Variants in PLEKHB2 observed in about 807,000 individuals in gnomAD.
PLEKHB2 encodes the protein pleckstrin homology domain containing B2.
A neutral mutation model predicts 36.5 loss-of-function variants in PLEKHB2; 31 were observed. The ratio of observed to expected loss-of-function variants is 0.85; its 90% CI spans 0.64 to 1.15. The LOEUF (loss-of-function observed/expected upper bound fraction) is 1.15, where lower values mean the gene tolerates loss of function less well. Among genes scored for constraint, PLEKHB2 ranks in the 50% most tolerant of loss-of-function variants. The pLI is 0.00. For synonymous variants in PLEKHB2, 119 were observed against 112.0 expected, an observed-to-expected ratio of 1.06 and a Z score of -0.39; for missense variants, 262 against 295.3, an observed-to-expected ratio of 0.89 and a Z score of 0.83.
chr2:131,125,988 C>A (rs745590483), intron 3 of PLEKHB2, 83 bp downstream of exon 3: 6 of 1,368,744 alleles, frequency 4.4e-6, no homozygotes, highest in Non-Finnish European at 5.1e-6. Flanking sequence ...CTTCCCTGTT[C>A]TGCTTTCATT....
intron 7 of PLEKHB2, chr2:131,144,366 A>T: frequency 1.8e-6 from 2 of 1,093,316 alleles, no homozygotes; most frequent in Non-Finnish European, 2.3e-6. Context: ...GTTTGCTTTG[A>T]GTTGGCTCCT....
intron 6 of PLEKHB2, among the ~76,000 whole-genome samples, chr2:131,137,379 C>T (rs574840170): frequency 2.0e-5 from 3 of 152,360 alleles, no homozygotes; most frequent in Admixed American, 2.0e-4. Context: ...TGGCCTCCTC[C>T]TCCCTGTATC....
rs1697144897 is a variant in PLEKHB2 at position 131,126,744 on chromosome 2, G to A, written c.251G>A (p.Gly84Glu). ...DCMLQIVCRDGKTISLCAEST... is the reference protein window; with the variant it reads ...DCMLQIVCRDEKTISLCAEST... Reference sequence around the variant, plus strand: ...ATGCTCCAGATTGTTTGTCGAGATGGGAAAACAATTAGTCTTTGTGCAGAA... The same window carrying A: ...ATGCTCCAGATTGTTTGTCGAGATGAGAAAACAATTAGTCTTTGTGCAGAA... The change falls in exon 4 of 8, where the codon GGG becomes GAG. Residue 84 changes from glycine (G) to glutamate (E), a missense_variant. Physicochemically the swap from Gly to Glu is moderately conservative, Grantham distance 98. Coordinates refer to ENST00000693505, the MANE Select transcript of PLEKHB2 (RefSeq NM_001100623.2). 1 of 1,610,846 alleles carries A rather than the reference G, an allele frequency of 6.2e-7. No homozygotes were observed. Among genetic ancestry groups the A allele is most frequent in the African/African-American group, 1.3e-5 (1 of 74,856 alleles).
chr2:131,114,424 G>A (rs1695650534), intron 1 of PLEKHB2, among the ~76,000 whole-genome samples: 1 of 152,168 alleles, frequency 6.6e-6, no homozygotes, highest in African/African-American at 2.4e-5. Context: ...GCCCATCCCT[G>A]CCCTGGAGAC....
intron 1 of PLEKHB2, among the ~76,000 whole-genome samples, chr2:131,117,316 A>G (rs907535846): frequency 1.3e-4 from 20 of 151,306 alleles, no homozygotes; most frequent in Admixed American, 1.1e-3. Flanking sequence ...AATTCTAGCT[A>G]CTTGGGAGGC....
chr2:131,146,869 A>T lies in PLEKHB2; in HGVS notation c.*96A>T. On this transcript the variant is annotated 3_prime_UTR_variant, in exon 8 of 8. Transcript: ENST00000693505. ...CTGTTTGTGACAAAAGTTTTTAATA[A>T]TAGTTTTAATCATTCCTTTGAAAGT... is the stretch of plus-strand genomic sequence containing the variant. 3 of 1,029,458 alleles carry T rather than the reference A, an allele frequency of 2.9e-6. No individual in the cohort carries two copies. The South Asian group carries it at 5.3e-5, about 18-fold the overall frequency. The allele number at this position is 1,029,458 out of a possible 1,614,324, so 63.8% of individuals were successfully genotyped here. A position where few individuals can be genotyped will look rare whatever the true frequency, so the allele number is the denominator to read the frequency against.
Position 131,105,713 on chromosome 2 carries a change from C to G in PLEKHB2, c.-9+315C>G, listed in dbSNP as rs944439532. Among the ~76,000 whole-genome samples the G allele has an allele frequency of 1.1e-4, 17 of 152,302 alleles. No homozygotes were observed. The South Asian group carries it at 3.3e-3, about 30-fold the overall frequency. On this transcript the variant is annotated intron_variant, in intron 1 of 7. Transcript: ENST00000693505. Reference sequence around the variant, plus strand: ...CCATCGCTTCCCCGGCGTCCGCCTCCGGTCCTTTCCCCGAGCCCCTCCTCT... The same window carrying G: ...CCATCGCTTCCCCGGCGTCCGCCTCGGGTCCTTTCCCCGAGCCCCTCCTCT...
chr2:131,145,105 A>C (rs1699152347), intron 7 of PLEKHB2, among the ~76,000 whole-genome samples: 1 of 152,194 alleles, frequency 6.6e-6, no homozygotes, highest in Non-Finnish European at 1.5e-5. Flanking sequence ...TAGTGGGTAT[A>C]AATGCATACT....
In PLEKHB2 at chr2:131,119,320, A is replaced by G. The variant is rs527289676; in HGVS notation, c.-8-1614A>G. Among the ~76,000 whole-genome samples the G allele has an allele frequency of 5.3e-5, 8 of 152,262 alleles. No individual in the cohort carries two copies. The South Asian group carries it at 1.2e-3, about 24-fold the overall frequency. Reference sequence around the variant, plus strand: ...AGTACAGAAAGGGGTAATGGGACCAATCACCCTCTTTGTTCTGTGACACAC... The same window carrying G: ...AGTACAGAAAGGGGTAATGGGACCAGTCACCCTCTTTGTTCTGTGACACAC... On this transcript the variant is annotated intron_variant, in intron 1 of 7. Coordinates refer to ENST00000693505, the MANE Select transcript of PLEKHB2 (RefSeq NM_001100623.2).
chr2:131,136,453 T>C (rs190939758), intron 6 of PLEKHB2, among the ~76,000 whole-genome samples: 19 of 151,650 alleles, frequency 1.3e-4, no homozygotes, highest in African/African-American at 4.1e-4. Context: ...CAAACAATCC[T>C]CCTGCCTGGG....
At position 131,146,849 on chromosome 2, in the gene PLEKHB2, T is replaced by A; in HGVS notation, c.*76T>A. The A allele has an allele frequency of 1.5e-6, 2 of 1,319,250 alleles. No individual in the cohort carries two copies. The highest frequency in any genetic ancestry group is 2.1e-6 in the Non-Finnish European group (2 of 968,202). The allele number at this position is 1,319,250 out of a possible 1,614,324, so 81.7% of individuals were successfully genotyped here. ...ATATGATTTGCAGGGCATTTCTGTTTGTGACAAAAGTTTTTAATAATAGTT... is the reference window on the plus strand; with the variant it reads ...ATATGATTTGCAGGGCATTTCTGTTAGTGACAAAAGTTTTTAATAATAGTT... On this transcript the variant is annotated 3_prime_UTR_variant, in exon 8 of 8. Transcript: ENST00000693505.
intron 1 of PLEKHB2, among the ~76,000 whole-genome samples, chr2:131,112,041 G>A (rs1695387990): frequency 6.6e-6 from 1 of 152,080 alleles, no homozygotes; most frequent in Admixed American, 6.6e-5. Flanking sequence ...ATTGATTGAT[G>A]GCCTGCAGAC....
intron 1 of PLEKHB2, among the ~76,000 whole-genome samples, chr2:131,117,357 G>A (rs932833409): frequency 1.3e-4 from 20 of 152,192 alleles, no homozygotes; most frequent in Admixed American, 1.2e-3. Context: ...AACCTGGGAG[G>A]TGGAGGCTGC....
At chr2:131,131,064 C>G (rs1048822876) in intron 5 of PLEKHB2, among the ~76,000 whole-genome samples, 17 of 152,220 alleles carry the variant, frequency 1.1e-4, no homozygotes, top group Non-Finnish European at 2.4e-4. Flanking sequence ...GCTGGGATTA[C>G]AGGCATGAGC....
chr2:131,111,519 T>G (rs1244854278), intron 1 of PLEKHB2, among the ~76,000 whole-genome samples: 1 of 149,856 alleles, frequency 6.7e-6, no homozygotes, highest in Non-Finnish European at 1.5e-5. Flanking sequence ...AGATGGAGTC[T>G]CACTCCAGTC....
In PLEKHB2 at chr2:131,126,752, A is replaced by G. The variant is rs368505030; in HGVS notation, c.259A>G (p.Ile87Val). 1.4e-5 allele frequency: 23 copies of G among 1,609,240 alleles called. No individual in the cohort carries two copies. Among genetic ancestry groups the G allele is most frequent in the Middle Eastern group, 1.6e-4 (1 of 6,082 alleles). Residue 87 changes from isoleucine to valine, a missense_variant, in exon 4 of 8, where the codon ATT (isoleucine) becomes GTT (valine). Transcript: ENST00000693505. ...GATTGTTTGTCGAGATGGGAAAACA[A>G]TTAGTCTTTGTGCAGAAAGCACAGA... is the stretch of plus-strand genomic sequence containing the variant. The part of the protein sequence containing the change: ...LQIVCRDGKT[I>V]SLCAESTDDC...
intron 1 of PLEKHB2, chr2:131,120,379 C>A (rs1372415684): frequency 2.6e-5 from 4 of 155,286 alleles, no homozygotes; most frequent in Non-Finnish European, 4.3e-5. Flanking sequence ...CCAGCCGTGA[C>A]TGTTTCTTCT....
chr2:131,134,127 C>T lies in PLEKHB2; in HGVS notation c.423+1136C>T, dbSNP rs191497864. 6.0e-3 allele frequency among the ~76,000 whole-genome samples: 915 copies of T among 152,168 alleles called. 6 individuals are homozygous for T. The highest frequency in any genetic ancestry group is 0.034 in the Middle Eastern group (10 of 294). ...TGTTAGCCAGGATGGTCTCAATCTC[C>T]TGACCTCATGATCCGCCCACCTCGG... is the stretch of plus-strand genomic sequence containing the variant. On this transcript the variant is annotated intron_variant, in intron 6 of 7. Transcript: ENST00000693505.
rs768129067 is a variant in PLEKHB2, at chr2:131,132,919, A to C, written c.351A>C (p.Ala117=). The change falls in exon 6 of 8, where the codon GCA becomes GCC. Residue 117 remains alanine, a synonymous_variant. Coordinates refer to ENST00000693505, the MANE Select transcript of PLEKHB2 (RefSeq NM_001100623.2). ...SRTNTAYVGS[A]VMTDETSVVS... ...TCCCGCAGGCGTATGTGGGCTCTGCAGTCATGACCGATGAGACATCCGTGG... is the reference window on the plus strand; with the variant it reads ...TCCCGCAGGCGTATGTGGGCTCTGCCGTCATGACCGATGAGACATCCGTGG... 1.2e-6 allele frequency: 2 copies of C among 1,612,186 alleles called. No homozygotes were observed. The highest frequency in any genetic ancestry group is 2.2e-5 in the South Asian group (2 of 91,022).
Sources: gnomAD v4.1 joint callset for allele counts (sites outside exome capture counted in the v4.1 genomes callset) on GRCh38, gnomAD v4.1.1 for gene constraint, MANE v1.5 for transcripts, NCBI Gene and HGNC (gene_info 2026-07-23, HGNC 2026-07-21) for gene names.